CACNB1: variants seen among roughly 807,000 people sequenced by gnomAD.
The protein encoded by CACNB1 is voltage-dependent L-type calcium channel subunit beta-1.
CACNB1 carries 29 observed loss-of-function variants against 71.6 expected under a neutral mutation model. The observed-to-expected ratio is 0.40, with a 90% CI of 0.30 to 0.55. CACNB1 has a LOEUF of 0.55. Among genes scored for constraint, CACNB1 ranks in the 20% least tolerant of loss-of-function variants. CACNB1 has a pLI of 0.38. For missense variants in CACNB1, 623 were observed against 801.8 expected (o/e 0.78, Z 2.69); for synonymous variants, 300 against 319.6 (o/e 0.94, Z 0.65).
chr17:39,183,845 G>A lies in CACNB1; in HGVS notation c.918C>T (p.Ile306=), dbSNP rs1051633426. 10 of 1,613,550 alleles carry A rather than the reference G, an allele frequency of 6.2e-6. No individual in the cohort carries two copies. Among genetic ancestry groups the A allele is most frequent in the Admixed American group, 1.7e-5 (1 of 59,950 alleles). ...TCCGGGCCAGCTCGAAGATTCGCTCGATTTCACTCTGCACCTCAGCTGGGG... is the reference window on the plus strand; with the variant it reads ...TCCGGGCCAGCTCGAAGATTCGCTCAATTTCACTCTGCACCTCAGCTGGGG... The part of the protein sequence containing the change: ...RSSLAEVQSE[I]ERIFELARTL... Residue 306 remains isoleucine (I), a synonymous_variant, in exon 11 of 14, where the codon ATC becomes ATT. Coordinates refer to ENST00000394303, the MANE Select transcript of CACNB1 (RefSeq NM_000723.5).
chr17:39,186,663 C>T lies in CACNB1; in HGVS notation c.552-91G>A. 6.6e-7 allele frequency: 1 copy of T among 1,506,532 alleles called. No individual in the cohort carries two copies. Among genetic ancestry groups the T allele is most frequent in the Non-Finnish European group, 9.2e-7 (1 of 1,091,606 alleles). 93.3% of individuals were successfully genotyped at this position (1,506,532 alleles called of 1,614,324 possible). On this transcript the variant is annotated intron_variant, in intron 5 of 13. Transcript: ENST00000394303. This position sits in a 1 kb window ranked among gnomAD's most constrained non-coding sequence, Gnocchi z 4.1. ...CACATGCGGCACCCCCGGAGGTGCT[C>T]CAGCCCCACTGGTGATGCCACAGGC... is the stretch of plus-strand genomic sequence containing the variant.
chr17:39,190,231 G>A (rs2046041417), intron 3 of CACNB1, among the ~76,000 whole-genome samples: 1 of 152,022 alleles, frequency 6.6e-6, no homozygotes, highest in Admixed American at 6.5e-5. Context: ...AGACCAGCCT[G>A]GGCAACATAG....
chr17:39,184,296 G>C, intron 9 of CACNB1, 29 bp downstream of exon 9: 1 of 1,479,578 alleles, frequency 6.8e-7, no homozygotes, highest in Non-Finnish European at 9.3e-7. Context: ...AGCAACGGCA[G>C]GTGCGAGGAG....
At position 39,183,713 on chromosome 17, in the gene CACNB1, C is replaced by T; in HGVS notation, c.1050G>A (p.Lys350=). The T allele has an allele frequency of 6.3e-7, 1 of 1,596,484 alleles. No individual in the cohort carries two copies. Among genetic ancestry groups the T allele is most frequent in the Non-Finnish European group, 8.5e-7 (1 of 1,170,904 alleles). ...GCCAGGGTCAGGCTCCTGCACCCAC[C>T]TTGGGAGAGGTGATCTTGATGTAAA... ...IIVYIKITSP[K]VLQRLIKSRG... is the part of the protein sequence containing the mutation. The change falls in exon 11 of 14, where the codon AAG becomes AAA. Residue 350 remains lysine (K), a splice_region_variant and synonymous_variant. Transcript: ENST00000394303.
intron 4 of CACNB1, 126 bp downstream of exon 4, chr17:39,187,353 A>G: frequency 9.6e-7 from 1 of 1,039,918 alleles, no homozygotes; most frequent in East Asian, 2.5e-5. Context: ...AGAGGTGGAG[A>G]GATTTGTCTA....
rs369886530 is a variant in CACNB1, at chr17:39,175,324, C to T, written c.1666G>A (p.Glu556Lys). 4 of 1,614,092 alleles carry T rather than the reference C, an allele frequency of 2.5e-6. No individual in the cohort carries two copies. The African/African-American group carries it at 4.0e-5, about 16-fold the overall frequency. The change falls in exon 14 of 14, where the codon GAG becomes AAG. Residue 556 changes from glutamate (E) to lysine (K), a missense_variant. Physicochemically the swap from Glu to Lys is moderately conservative, Grantham distance 56. Coordinates refer to ENST00000394303, the MANE Select transcript of CACNB1 (RefSeq NM_000723.5). The surrounding 1 kb of genome is among the most constrained non-coding windows in gnomAD (Gnocchi z 4.7). ...TTCCGGTTGTCGGTCAGCTCTTCCT[C>T]ATAGTCTTCTTCCTCGTCCTCCCAG... ...GSWEDEEEDY[E>K]EELTDNRNRG...
At chr17:39,195,935 G>A (rs2046192537) in intron 1 of CACNB1, among the ~76,000 whole-genome samples, 1 of 152,208 alleles carries the variant, frequency 6.6e-6, no homozygotes, top group Admixed American at 6.5e-5. Context: ...CATTCAGGAA[G>A]CCACACGTTC....
chr17:39,185,092 G>T, intron 7 of CACNB1, 39 bp downstream of exon 7: 1 of 1,600,442 alleles, frequency 6.2e-7, no homozygotes, highest in Non-Finnish European at 8.6e-7. Flanking sequence ...GCTCATCCCA[G>T]GGAGTGGGGA....
At chr17:39,185,897 C>T in intron 6 of CACNB1, 1 of 1,573,282 alleles carries the variant, frequency 6.4e-7, no homozygotes, top group South Asian at 1.2e-5. Flanking sequence ...TTCCCTCCAC[C>T]AAAGTGCTGG....
chr17:39,184,939 C>T, intron 7 of CACNB1, 75 bp from the exon 8 acceptor site: 1 of 1,140,844 alleles, frequency 8.8e-7, no homozygotes, highest in Non-Finnish European at 1.3e-6. Flanking sequence ...CTCCAGGCTC[C>T]CCCATGCAGC....
chr17:39,191,372 G>A, intron 3 of CACNB1, 102 bp downstream of exon 3: 2 of 1,202,178 alleles, frequency 1.7e-6, no homozygotes, highest in Admixed American at 2.6e-5. Context: ...GTACTAGGAA[G>A]TGGCTGGGTC....
At chr17:39,182,896 A>G (rs1293559642) in intron 11 of CACNB1, 2 of 923,432 alleles carry the variant, frequency 2.2e-6, no homozygotes, top group African/African-American at 1.8e-5. Context: ...ACCAACAATA[A>G]GAATAAATCA....
chr17:39,187,400 T>C (rs1053246877), intron 4 of CACNB1, 79 bp downstream of exon 4: 5 of 1,555,270 alleles, frequency 3.2e-6, no homozygotes, highest in African/African-American at 1.4e-5. Flanking sequence ...TCTGCTTGGC[T>C]CAGAAGCCTT....
chr17:39,190,586 C>T (rs74969234), intron 3 of CACNB1, among the ~76,000 whole-genome samples: 49,633 of 151,506 alleles, frequency 0.33, 9,339 homozygotes, highest in Non-Finnish European at 0.44. Flanking sequence ...CACCACCACA[C>T]CCAGCTACGT....
chr17:39,187,665 C>A (rs1226843285), intron 3 of CACNB1, 64 bp from the exon 4 acceptor site: 1 of 1,566,594 alleles, frequency 6.4e-7, no homozygotes, highest in Non-Finnish European at 8.8e-7. Flanking sequence ...TGTACAACTT[C>A]CTGACAGTAG....
At chr17:39,184,676 G>T in intron 8 of CACNB1, 108 bp downstream of exon 8, 2 of 816,562 alleles carry the variant, frequency 2.4e-6, no homozygotes, top group East Asian at 5.0e-5. Flanking sequence ...AAAGTCTGTA[G>T]CCCTCCTGGG....
chr17:39,177,276 A>G (rs1458056328), intron 13 of CACNB1, 74 bp downstream of exon 13: 12 of 1,608,064 alleles, frequency 7.5e-6, no homozygotes, highest in Non-Finnish European at 1.0e-5. Context: ...CTGGGGCACC[A>G]CACTGCCCCG....
intron 6 of CACNB1, chr17:39,185,981 G>A (rs1339333253): frequency 1.2e-6 from 2 of 1,613,410 alleles, no homozygotes; most frequent in South Asian, 1.1e-5. Context: ...TTTGCCATGG[G>A]GTGGCGGGGT....
At chr17:39,180,820 C>T (rs961051947) in intron 11 of CACNB1, among the ~76,000 whole-genome samples, 1 of 152,004 alleles carries the variant, frequency 6.6e-6, no homozygotes, top group African/African-American at 2.4e-5. Flanking sequence ...TCAAGTGATC[C>T]ACCTGCCTCA....
Sources: gnomAD v4.1 joint callset for allele counts (sites outside exome capture counted in the v4.1 genomes callset) on GRCh38, gnomAD v4.1.1 for gene constraint, Gnocchi (gnomAD v3.1) non-coding constraint, MANE v1.5 for transcripts, NCBI Gene and HGNC (gene_info 2026-07-23, HGNC 2026-07-21) for gene names.